PPFIA2: variants seen among roughly 807,000 people sequenced by gnomAD.
PPFIA2 encodes liprin-alpha-2.
A neutral mutation model predicts 175.5 loss-of-function variants in PPFIA2; 46 were observed. The ratio of observed to expected loss-of-function variants is 0.26; its 90% CI spans 0.21 to 0.34. The LOEUF (loss-of-function observed/expected upper bound fraction) is 0.34, where lower values mean the gene tolerates loss of function less well. Ranked by LOEUF, PPFIA2 falls within the 10% of genes least tolerant of loss-of-function variation. The pLI is 1.00. For missense variants in PPFIA2, 1,179 were observed against 1,506.1 expected (o/e 0.78, Z 3.60); for synonymous variants, 568 against 511.4 (o/e 1.11, Z -1.49).
At chr12:81,526,408 G>T (rs2063738718) in intron 4 of PPFIA2, among the ~76,000 whole-genome samples, 1 of 152,172 alleles carries the variant, frequency 6.6e-6, no homozygotes, top group Non-Finnish European at 1.5e-5. Flanking sequence ...TGTGTTTAAT[G>T]ACATGATTGA....
intron 8 of PPFIA2, among the ~76,000 whole-genome samples, chr12:81,401,132 A>T (rs1054792187): frequency 2.6e-5 from 4 of 151,962 alleles, no homozygotes; most frequent in Admixed American, 1.3e-4. Context: ...CACTGTGTAT[A>T]TTTGTTTATT....
At chr12:81,505,416 G>A (rs947841944) in intron 4 of PPFIA2, among the ~76,000 whole-genome samples, 1 of 152,166 alleles carries the variant, frequency 6.6e-6, no homozygotes, top group African/African-American at 2.4e-5. Context: ...GAAAATCTTG[G>A]TGATTAATCA....
chr12:81,594,448 A>C (rs2059025559), intron 4 of PPFIA2, among the ~76,000 whole-genome samples: 1 of 152,220 alleles, frequency 6.6e-6, no homozygotes, highest in Non-Finnish European at 1.5e-5. Context: ...TGGGCCCAGG[A>C]GATAAAATGC....
chr12:81,745,741 G>A (rs1290576127), intron 3 of PPFIA2, among the ~76,000 whole-genome samples: 1 of 152,128 alleles, frequency 6.6e-6, no homozygotes, highest in Non-Finnish European at 1.5e-5. Context: ...GGACTTGCCT[G>A]CCTTGAAACT....
chr12:81,660,540 G>C (rs947229085), intron 4 of PPFIA2, among the ~76,000 whole-genome samples: 13 of 152,154 alleles, frequency 8.5e-5, no homozygotes, highest in Non-Finnish European at 1.3e-4. Context: ...AGAAATATGG[G>C]ACTATGTGAA....
At chr12:81,445,471 T>A in intron 6 of PPFIA2, 85 bp downstream of exon 6, 1 of 1,298,882 alleles carries the variant, frequency 7.7e-7, no homozygotes, top group Non-Finnish European at 1.1e-6. Context: ...ACTTTAGGAG[T>A]CAGGTGAGTC....
rs759066916 is a variant in PPFIA2 at position 81,362,752 on chromosome 12, T to C, written c.1578A>G (p.Arg526=). 3 of 1,546,512 alleles carry C rather than the reference T, an allele frequency of 1.9e-6. No homozygotes were observed. The highest frequency in any genetic ancestry group is 2.6e-6 in the Non-Finnish European group (3 of 1,143,208). The part of the protein sequence containing the change: ...ERLAEEIEKL[R]SELDQLKMRT... ...TCATTTTCAATTGGTCAAGTTCAGA[T>C]CTCAGCTTTTCAATTTCTTCTGCTA... Residue 526 remains arginine (R), a synonymous_variant, in exon 15 of 33, where the codon AGA becomes AGG. Transcript: ENST00000549396.
At chr12:81,465,541 T>G (rs2055453123) in intron 4 of PPFIA2, among the ~76,000 whole-genome samples, 1 of 152,230 alleles carries the variant, frequency 6.6e-6, no homozygotes, top group Non-Finnish European at 1.5e-5. Flanking sequence ...GCCCCTCATT[T>G]ACTGTAGTTT....
chr12:81,664,358 C>A (rs540024752), intron 4 of PPFIA2, among the ~76,000 whole-genome samples: 10 of 151,936 alleles, frequency 6.6e-5, no homozygotes, highest in South Asian at 2.1e-4. Context: ...AAACAAAAAA[C>A]CCCATCAAAA....
At chr12:81,351,784 A>G (rs2060049371) in intron 17 of PPFIA2, among the ~76,000 whole-genome samples, 1 of 151,204 alleles carries the variant, frequency 6.6e-6, no homozygotes, top group South Asian at 2.1e-4. Context: ...ACATGCCTAT[A>G]GTCCCAGCTA....
intron 3 of PPFIA2, among the ~76,000 whole-genome samples, chr12:81,740,484 G>A (rs994599859): frequency 6.6e-6 from 1 of 152,154 alleles, no homozygotes; most frequent in Non-Finnish European, 1.5e-5. Context: ...TGATAGTCAT[G>A]TTTTAAAAGA....
Position 81,412,351 on chromosome 12 carries a change from A to T in PPFIA2, c.646-6448T>A, listed in dbSNP as rs962141104. Among the ~76,000 whole-genome samples, 73 of 151,340 alleles carry T rather than the reference A, an allele frequency of 4.8e-4. 1 individual carries two copies. The highest frequency in any genetic ancestry group is 1.7e-3 in the African/African-American group (72 of 41,408). ...TTAAGGAGGCAAAAAAAAAAAAAAA[A>T]AAAGGAAGCAGTAGGACTACAATAA... On this transcript the variant is annotated intron_variant, in intron 7 of 32. Transcript: ENST00000549396.
At chr12:81,720,826 T>C (rs919846345) in intron 3 of PPFIA2, among the ~76,000 whole-genome samples, 1 of 151,362 alleles carries the variant, frequency 6.6e-6, no homozygotes, top group Admixed American at 6.6e-5. Flanking sequence ...ATTTTTTTTG[T>C]TTGTTTTTTT....
chr12:81,341,282 T>G, intron 19 of PPFIA2, 74 bp from the exon 20 acceptor site: 1 of 1,462,446 alleles, frequency 6.8e-7, no homozygotes, highest in Non-Finnish European at 9.4e-7. Context: ...TGGAGAATCA[T>G]GAGAACAAGG....
intron 4 of PPFIA2, among the ~76,000 whole-genome samples, chr12:81,477,540 T>A (rs1332811506): frequency 6.6e-6 from 1 of 152,192 alleles, no homozygotes; most frequent in Non-Finnish European, 1.5e-5. Context: ...GCTGTGGGTT[T>A]GTCATAAATC....
chr12:81,300,247 G>A (rs188545947), intron 22 of PPFIA2, among the ~76,000 whole-genome samples: 2 of 152,128 alleles, frequency 1.3e-5, no homozygotes, highest in East Asian at 1.9e-4. Context: ...ACTTGGCCAG[G>A]AATATATTGG....
chr12:81,591,096 G>C (rs762394625), intron 4 of PPFIA2, among the ~76,000 whole-genome samples: 147 of 152,166 alleles, frequency 9.7e-4, no homozygotes, highest in South Asian at 1.0e-3. Flanking sequence ...TCCAGGCTGA[G>C]GTGGTCTCAG....
At chr12:81,451,943 A>G (rs549444130) in intron 5 of PPFIA2, among the ~76,000 whole-genome samples, 1 of 152,340 alleles carries the variant, frequency 6.6e-6, no homozygotes, top group East Asian at 1.9e-4. Context: ...CTTTAGCCTA[A>G]TATTTAATAA....
intron 4 of PPFIA2, among the ~76,000 whole-genome samples, chr12:81,485,709 C>A: frequency 6.6e-6 from 1 of 151,878 alleles, no homozygotes; most frequent in East Asian, 1.9e-4. Flanking sequence ...AAATAGTAAA[C>A]AAATCACTTA....
Sources: allele counts gnomAD v4.1 joint callset (sites outside exome capture counted in the v4.1 genomes callset), GRCh38; gene constraint gnomAD v4.1.1; transcripts MANE v1.5; gene names NCBI Gene and HGNC (gene_info 2026-07-23, HGNC 2026-07-21).